SGCZ: variants seen among roughly 807,000 people sequenced by gnomAD.
SGCZ encodes the protein sarcoglycan zeta, also known as zeta-sarcoglycan.
In SGCZ, 40 loss-of-function variants were observed where a neutral mutation model predicts 41.3. The observed-to-expected ratio is 0.97, with a 90% CI of 0.75 to 1.26. The LOEUF is 1.26. SGCZ is among the 50% of genes most tolerant of loss of function. The pLI is 0.00. For synonymous variants in SGCZ, 206 were observed against 137.5 expected (o/e 1.50, Z -3.49); for missense variants, 552 against 369.8 (o/e 1.49, Z -4.04).
rs111235096 is a variant in SGCZ, at chr8:14,243,445, G to A, written c.337-5766C>T. 6.9e-3 allele frequency among the ~76,000 whole-genome samples: 1,047 copies of A among 152,218 alleles called. 20 individuals are homozygous for A. Among genetic ancestry groups the A allele is most frequent in the African/African-American group, 0.024 (1,007 of 41,538 alleles). On this transcript the variant is annotated intron_variant, in intron 3 of 7. Coordinates refer to ENST00000382080, the MANE Select transcript of SGCZ (RefSeq NM_139167.4). ...AACCACTCGATTTTTCATATCCAGT[G>A]TTACTTAAAAATACTTTTAAAACAT... is the stretch of plus-strand genomic sequence containing the variant.
chr8:14,382,880 C>T (rs903834349), intron 2 of SGCZ, among the ~76,000 whole-genome samples: 3 of 152,134 alleles, frequency 2.0e-5, no homozygotes, highest in Admixed American at 6.5e-5. Flanking sequence ...GGTTACTGAC[C>T]TCCAGTAACT....
At chr8:14,564,813 G>C (rs1393878267) in intron 1 of SGCZ, among the ~76,000 whole-genome samples, 1 of 152,182 alleles carries the variant, frequency 6.6e-6, no homozygotes, top group African/African-American at 2.4e-5. Flanking sequence ...CTAATGTTGA[G>C]AGAGATTGAA....
Position 14,188,598 on chromosome 8 carries a change from T to C in SGCZ, c.425-23896A>G, listed in dbSNP as rs73526110. Among the ~76,000 whole-genome samples, 396 of 152,252 alleles carry C rather than the reference T, an allele frequency of 2.6e-3. 3 individuals carry two copies. The highest frequency in any genetic ancestry group is 9.0e-3 in the African/African-American group (374 of 41,548). On this transcript the variant is annotated intron_variant, in intron 4 of 7. Coordinates refer to ENST00000382080, the MANE Select transcript of SGCZ (RefSeq NM_139167.4). ...GGTTCAGAGTTTCTTCTGGGGATAA[T>C]GGAAAAATTCTGAAATTGACTGTGG...
rs370142971 is a variant in SGCZ at position 14,824,725 on chromosome 8, A to G, written c.40-269799T>C. Among the ~76,000 whole-genome samples the G allele has an allele frequency of 4.6e-5, 7 of 152,190 alleles. No individual in the cohort carries two copies. The East Asian group carries it at 1.2e-3, about 25-fold the overall frequency. On this transcript the variant is annotated intron_variant, in intron 1 of 7. Transcript: ENST00000382080. ...ATTAAGAAATTTCACTGCCTATGCT[A>G]CCTTGAGCTTACATTCCCCTGGATC... is the stretch of plus-strand genomic sequence containing the variant.
chr8:14,590,107 T>TAAA (rs35104456), intron 1 of SGCZ, among the ~76,000 whole-genome samples: 1 of 151,640 alleles, frequency 6.6e-6, no homozygotes, highest in East Asian at 1.9e-4. Flanking sequence ...TGTTCTTTGG[T>TAAA]AAAAAAAAGA....
chr8:15,231,836 G>A lies in SGCZ; in HGVS notation c.39+5749C>T, dbSNP rs573038603. Among the ~76,000 whole-genome samples, 5 of 152,114 alleles carry A rather than the reference G, an allele frequency of 3.3e-5. No individual in the cohort carries two copies. The South Asian group carries it at 8.3e-4, about 25-fold the overall frequency. On this transcript the variant is annotated intron_variant, in intron 1 of 7. Coordinates refer to ENST00000382080, the MANE Select transcript of SGCZ (RefSeq NM_139167.4). ...AGGGTTTCACCGTGTTGGCCAGGCT[G>A]GTCTTGAACTCCTGGCCTCAAGTGA...
intron 2 of SGCZ, among the ~76,000 whole-genome samples, chr8:14,533,617 G>A (rs188631029): frequency 2.0e-5 from 3 of 152,070 alleles, no homozygotes; most frequent in African/African-American, 7.2e-5. Flanking sequence ...AAAGAGTGGA[G>A]AGGATTCCAA....
chr8:14,780,985 C>A (rs1234971006), intron 1 of SGCZ, among the ~76,000 whole-genome samples: 1 of 152,068 alleles, frequency 6.6e-6, no homozygotes, highest in Non-Finnish European at 1.5e-5. Context: ...TGTCTTGATA[C>A]CAAGACCTAA....
At chr8:15,010,999 T>C (rs530941069) in intron 1 of SGCZ, among the ~76,000 whole-genome samples, 1 of 152,334 alleles carries the variant, frequency 6.6e-6, no homozygotes, top group African/African-American at 2.4e-5. Context: ...AGGTATGTTA[T>C]CTATTAATGA....
chr8:15,048,263 TG>T (rs1016519066), intron 1 of SGCZ, among the ~76,000 whole-genome samples: 1 of 151,998 alleles, frequency 6.6e-6, no homozygotes, highest in African/African-American at 2.4e-5. Flanking sequence ...TAGCCATATG[TG>T]GGAGCTAGAT....
intron 2 of SGCZ, among the ~76,000 whole-genome samples, chr8:14,468,224 T>A (rs957999905): frequency 9.9e-5 from 15 of 152,146 alleles, no homozygotes; most frequent in African/African-American, 3.4e-4. Context: ...ACAGATAGAA[T>A]GATATATACA....
chr8:14,092,594 G>A (rs1169740336), intron 7 of SGCZ, among the ~76,000 whole-genome samples: 1 of 151,960 alleles, frequency 6.6e-6, no homozygotes. Context: ...CATGGGGGCA[G>A]TTTCCCCCAT....
rs564419089 is a variant in SGCZ, at chr8:14,303,676, T to C, written c.336+20427A>G. ...TCCTGAAACACCAGTGTCTTCTTGGTTTTTAGTGAAAATATTAGCCAATTT... is the reference window on the plus strand; with the variant it reads ...TCCTGAAACACCAGTGTCTTCTTGGCTTTTAGTGAAAATATTAGCCAATTT... On this transcript the variant is annotated intron_variant, in intron 3 of 7. Transcript: ENST00000382080. Among the ~76,000 whole-genome samples the C allele has an allele frequency of 2.6e-5, 4 of 152,264 alleles. No homozygotes were observed. The South Asian group carries it at 6.2e-4, about 24-fold the overall frequency.
At chr8:14,421,481 A>C (rs996291525) in intron 2 of SGCZ, among the ~76,000 whole-genome samples, 9 of 152,090 alleles carry the variant, frequency 5.9e-5, no homozygotes, top group African/African-American at 2.2e-4. Flanking sequence ...CTCCATGACA[A>C]CTCCAAGGTA....
intron 1 of SGCZ, among the ~76,000 whole-genome samples, chr8:14,729,442 G>C (rs1810161358): frequency 6.6e-6 from 1 of 152,122 alleles, no homozygotes; most frequent in Non-Finnish European, 1.5e-5. Flanking sequence ...GGTAATTAAG[G>C]TTAAATTAAT....
Position 14,088,061 on chromosome 8 carries a change from T to C in SGCZ, c.*2382A>G, listed in dbSNP as rs1801576232. The stretch of plus-strand genomic sequence containing the variant: ...CCTCACTGGAATCGGTTTTTACATC[T>C]TTTTTTCTCACTTTTTTTTTCATCT... On this transcript the variant is annotated 3_prime_UTR_variant, in exon 8 of 8. Coordinates refer to ENST00000382080, the MANE Select transcript of SGCZ (RefSeq NM_139167.4). Among the ~76,000 whole-genome samples, 1 of 151,854 alleles carries C rather than the reference T, an allele frequency of 6.6e-6. No homozygotes were observed. The highest frequency in any genetic ancestry group is 6.6e-5 in the Admixed American group (1 of 15,200).
At chr8:14,430,740 A>G (rs1003657679) in intron 2 of SGCZ, among the ~76,000 whole-genome samples, 1 of 152,356 alleles carries the variant, frequency 6.6e-6, no homozygotes, top group East Asian at 1.9e-4. Flanking sequence ...AAATCGGAAA[A>G]GAGAAAGTCA....
chr8:14,863,606 A>T (rs950437256), intron 1 of SGCZ, among the ~76,000 whole-genome samples: 10 of 152,188 alleles, frequency 6.6e-5, no homozygotes, highest in South Asian at 2.1e-4. Context: ...TGCTTTAAGG[A>T]TCGAGGTCAG....
chr8:14,356,523 T>G (rs1034437507), intron 2 of SGCZ, among the ~76,000 whole-genome samples: 1 of 152,074 alleles, frequency 6.6e-6, no homozygotes, highest in African/African-American at 2.4e-5. Context: ...AAGAATAAAG[T>G]AGAACTTGTT....
Sources: allele counts gnomAD v4.1 joint callset (sites outside exome capture counted in the v4.1 genomes callset), GRCh38; gene constraint gnomAD v4.1.1; transcripts MANE v1.5; gene names NCBI Gene and HGNC (gene_info 2026-07-23, HGNC 2026-07-21).